The following DNAH8 variants were observed in gnomAD, a reference collection of about 807,000 sequenced individuals.
DNAH8 encodes axonemal beta dynein heavy chain 8.
In DNAH8, 382 loss-of-function variants were observed where a neutral mutation model predicts 562.1. The ratio of observed to expected loss-of-function variants is 0.68; its 90% CI spans 0.63 to 0.74. The LOEUF is 0.74. Ranked by LOEUF, DNAH8 falls within the 30% of genes least tolerant of loss-of-function variation. DNAH8 has a pLI of 0.00. For missense variants in DNAH8, 5,203 were observed against 5,620.4 expected (o/e 0.93, Z 2.37); for synonymous variants, 1,881 against 1,919.4 (o/e 0.98, Z 0.52).
intron 91 of DNAH8, among the ~76,000 whole-genome samples, chr6:39,021,519 C>T (rs929281718): frequency 1.3e-5 from 2 of 152,236 alleles, no homozygotes; most frequent in Non-Finnish European, 2.9e-5. Context: ...ATGTCCCTGC[C>T]TTACAGCAAA....
rs749879377 is a variant in DNAH8, at chr6:39,030,229, T to G, written c.13961T>G (p.Ile4654Ser). The G allele has an allele frequency of 1.9e-6, 3 of 1,614,184 alleles. No homozygotes were observed. In the East Asian group the frequency reaches 6.7e-5, roughly 36 times the overall value. ...TQLPVLHIFAINSTAPKDPKL... is the reference protein window; with the variant it reads ...TQLPVLHIFASNSTAPKDPKL... ...TTACCCGTGCTCCACATCTTTGCCA[T>G]TAACTCCACGGCACCCAAGGACCCC... The change falls in exon 93 of 93, where the codon ATT becomes AGT. Residue 4654 changes from isoleucine to serine, a missense_variant. By Grantham distance (142) the Ile-to-Ser change is moderately radical. Around this residue, in one of 6 missense-constraint regions of DNAH8, gnomAD observed 1,399 missense variants for 1,518.4 expected, o/e 0.92. Transcript: ENST00000327475.
chr6:39,026,656 T>C lies in DNAH8; in HGVS notation c.13825T>C (p.Ser4609Pro), dbSNP rs759378748. ...GAGACAGACCAAGGAGGAGATCACG[T>C]CACCCCCTGGGGTAGGCGTTGCTGG... The part of the protein sequence containing the change: ...VLRQTKEEIT[S>P]PPGEGVYIYG... Residue 4609 changes from serine to proline, a missense_variant, in exon 92 of 93, where the codon TCA (serine) becomes CCA (proline). By Grantham distance (74) the Ser-to-Pro change is moderately conservative (BLOSUM62 -1). Coordinates refer to ENST00000327475, the MANE Select transcript of DNAH8 (RefSeq NM_001206927.2). 6.2e-7 allele frequency: 1 copy of C among 1,613,486 alleles called. No homozygotes were observed. Among genetic ancestry groups the C allele is most frequent in the Non-Finnish European group, 8.5e-7 (1 of 1,179,940 alleles).
At chr6:39,026,081 C>A (rs1038656274) in intron 91 of DNAH8, among the ~76,000 whole-genome samples, 4 of 152,142 alleles carry the variant, frequency 2.6e-5, no homozygotes, top group Non-Finnish European at 4.4e-5. Flanking sequence ...TGGCATTATG[C>A]CTTATTTCCC....
chr6:38,896,768 GA>G (rs1189578239), intron 60 of DNAH8, among the ~76,000 whole-genome samples: 1 of 152,026 alleles, frequency 6.6e-6, no homozygotes, highest in Non-Finnish European at 1.5e-5. Context: ...TACTAGCTAA[GA>G]AGGATATTTA....
intron 4 of DNAH8, 124 bp from the exon 5 acceptor site, chr6:38,734,350 A>G (rs1263464282): frequency 1.3e-6 from 1 of 792,644 alleles, no homozygotes; most frequent in Non-Finnish European, 1.7e-6. Context: ...AAATTATTCT[A>G]TGACCGTATT....
At position 38,898,402 on chromosome 6, in the gene DNAH8, C is replaced by G. The variant is rs1200478770; in HGVS notation, c.9063+22C>G. The G allele has an allele frequency of 2.6e-6, 4 of 1,525,548 alleles. No individual in the cohort carries two copies. The African/African-American group carries it at 5.7e-5, about 22-fold the overall frequency. The allele number at this position is 1,525,548 out of a possible 1,614,324, so 94.5% of individuals were successfully genotyped here. Reference sequence around the variant, plus strand: ...TAAGGTCCTAACTATTGCCTATTTACTGATATAAATAGATGATTTAAAAGC... The same window carrying G: ...TAAGGTCCTAACTATTGCCTATTTAGTGATATAAATAGATGATTTAAAAGC... On this transcript the variant is annotated intron_variant, in intron 61 of 92. Coordinates refer to ENST00000327475, the MANE Select transcript of DNAH8 (RefSeq NM_001206927.2).
intron 65 of DNAH8, among the ~76,000 whole-genome samples, chr6:38,911,255 G>A (rs964834944): frequency 1.3e-5 from 2 of 152,190 alleles, no homozygotes; most frequent in African/African-American, 4.8e-5. Context: ...AAACAGAGTT[G>A]GAGTTAAGGG....
chr6:38,815,883 A>G (rs1772215540), intron 26 of DNAH8, among the ~76,000 whole-genome samples: 1 of 152,090 alleles, frequency 6.6e-6, no homozygotes, highest in African/African-American at 2.4e-5. Flanking sequence ...ATTAAAATAA[A>G]CCTTAGCACT....
chr6:38,952,935 C>T (rs1219893803), intron 82 of DNAH8: 2 of 152,188 alleles, frequency 1.3e-5, no homozygotes, highest in African/African-American at 4.8e-5. Context: ...CTCGAGTAGC[C>T]TTATAGTTTG....
intron 26 of DNAH8, among the ~76,000 whole-genome samples, chr6:38,820,795 T>G (rs76933150): frequency 0.026 from 3,887 of 152,276 alleles, 174 homozygotes; most frequent in African/African-American, 0.087. Context: ...AAAAAATATT[T>G]GACAAAATCC....
At position 38,875,592 on chromosome 6, in the gene DNAH8, C is replaced by T. The variant is rs747339640; in HGVS notation, c.7622C>T (p.Ser2541Phe). The T allele has an allele frequency of 3.3e-6, 5 of 1,512,408 alleles. No individual in the cohort carries two copies. Among genetic ancestry groups the T allele is most frequent in the Non-Finnish European group, 3.6e-6 (4 of 1,118,088 alleles). 93.7% of individuals were successfully genotyped at this position (1,512,408 alleles called of 1,614,324 possible). Residue 2541 changes from serine (S) to phenylalanine (F), a missense_variant and splice_region_variant, in exon 53 of 93, where the codon TCT becomes TTT. Transcript: ENST00000327475. The stretch of plus-strand genomic sequence containing the variant: ...TTATTTTATTTGAAACATTTTCAGT[C>T]TCTCAATCTTCTGGAAGGGTTAATT... ...QLLECNYIVQ[S>F]LNLLEGLIPS...
chr6:38,982,285 T>C, intron 85 of DNAH8, 61 bp from the exon 86 acceptor site: 1 of 728,904 alleles, frequency 1.4e-6, no homozygotes, highest in Admixed American at 2.0e-5. Flanking sequence ...TACTGTATTT[T>C]GATAGCAATA....
intron 91 of DNAH8, among the ~76,000 whole-genome samples, chr6:39,016,634 T>C (rs1766592431): frequency 6.6e-6 from 1 of 151,692 alleles, no homozygotes. Flanking sequence ...TCATCACAAA[T>C]ATATATGCAG....
intron 49 of DNAH8, 75 bp from the exon 50 acceptor site, chr6:38,872,461 T>C (rs1777542496): frequency 1.3e-6 from 2 of 1,490,308 alleles, no homozygotes; most frequent in Non-Finnish European, 1.8e-6. Context: ...AAGCCTTTAA[T>C]CTTCAAGTAG....
At position 38,973,642 on chromosome 6, in the gene DNAH8, A is replaced by G. The variant is rs371126165; in HGVS notation, c.12526-19A>G. On this transcript the variant is annotated intron_variant, in intron 83 of 92. Transcript: ENST00000327475. ...AAAAAGGTTACAAGAAATAAATATG[A>G]ACTTATTTTTGGATACAGGGTGGTT... 5 of 1,546,266 alleles carry G rather than the reference A, an allele frequency of 3.2e-6. No homozygotes were observed. Among genetic ancestry groups the G allele is most frequent in the African/African-American group, 2.8e-5 (2 of 71,322 alleles).
rs757240599 is a variant in DNAH8, at chr6:38,924,159, A to G, written c.10959A>G (p.Pro3653=). The part of the protein sequence containing the change: ...LNLISMLVDP[P]TIGEWGLQGL... Reference sequence around the variant, plus strand: ...TTATTTCAATGTTGGTGGATCCTCCAACTGTAAGTTTTACTTTCCCAATGT... The same window carrying G: ...TTATTTCAATGTTGGTGGATCCTCCGACTGTAAGTTTTACTTTCCCAATGT... Residue 3653 remains proline (P), a synonymous_variant, in exon 73 of 93, where the codon CCA becomes CCG. Coordinates refer to ENST00000327475, the MANE Select transcript of DNAH8 (RefSeq NM_001206927.2). 6.2e-7 allele frequency: 1 copy of G among 1,612,888 alleles called. No individual in the cohort carries two copies. The highest frequency in any genetic ancestry group is 1.7e-5 in the Admixed American group (1 of 59,838).
intron 74 of DNAH8, 104 bp downstream of exon 74, chr6:38,926,314 G>T: frequency 7.8e-7 from 1 of 1,282,442 alleles, no homozygotes; most frequent in Non-Finnish European, 1.1e-6. Flanking sequence ...CATGACAAAT[G>T]TTTGCTAATT....
At chr6:38,845,164 A>T (rs1386851504) in intron 35 of DNAH8, among the ~76,000 whole-genome samples, 1 of 152,216 alleles carries the variant, frequency 6.6e-6, no homozygotes, top group East Asian at 1.9e-4. Context: ...AACAGGCAGA[A>T]ATATAGTAAT....
At chr6:38,947,526 G>A (rs1157628988) in intron 80 of DNAH8, among the ~76,000 whole-genome samples, 2 of 152,172 alleles carry the variant, frequency 1.3e-5, no homozygotes, top group African/African-American at 4.8e-5. Context: ...AAAATTAGCA[G>A]GTGGAAAGTC....
Sources: allele counts gnomAD v4.1 joint callset (sites outside exome capture counted in the v4.1 genomes callset), GRCh38; gene constraint gnomAD v4.1.1; regional missense constraint gnomAD v4.1.1; transcripts MANE v1.5; gene names NCBI Gene and HGNC (gene_info 2026-07-23, HGNC 2026-07-21).